GNPTAB: variants seen among roughly 807,000 people sequenced by gnomAD.
The protein encoded by GNPTAB is N-acetylglucosamine-1-phosphate transferase subunits alpha and beta.
GNPTAB carries 92 observed loss-of-function variants against 136.6 expected under a neutral mutation model. The observed-to-expected ratio is 0.67, with a 90% CI of 0.57 to 0.80. The LOEUF (loss-of-function observed/expected upper bound fraction) is 0.80, where lower values mean the gene tolerates loss of function less well. GNPTAB is among the 30% of genes least tolerant of loss of function. The pLI is 0.00. For missense variants in GNPTAB, 1,343 were observed against 1,501.8 expected, an observed-to-expected ratio of 0.89 and a Z score of 1.75; for synonymous variants, 512 against 535.1, an observed-to-expected ratio of 0.96 and a Z score of 0.60.
In GNPTAB at chr12:101,764,866, T is replaced by C; in HGVS notation, c.2051A>G (p.Asn684Ser). 1 of 1,614,146 alleles carries C rather than the reference T, an allele frequency of 6.2e-7. No individual in the cohort carries two copies. The highest frequency in any genetic ancestry group is 8.5e-7 in the Non-Finnish European group (1 of 1,180,028). ...RFPKFKRHDV[N>S]STRRAQEEVK... Reference sequence around the variant, plus strand: ...CTCTTCCTGGGCTCTCCTTGTTGAGTTAACATCATGTCTCTTAAACTTCGG... The same window carrying C: ...CTCTTCCTGGGCTCTCCTTGTTGAGCTAACATCATGTCTCTTAAACTTCGG... Residue 684 changes from asparagine to serine, a missense_variant, in exon 13 of 21, where the codon AAC becomes AGC. Asn to Ser is a conservative substitution (Grantham distance 46, BLOSUM62 1). Transcript: ENST00000299314.
intron 7 of GNPTAB, among the ~76,000 whole-genome samples, chr12:101,774,933 A>G (rs1219311488): frequency 6.6e-6 from 1 of 152,224 alleles, no homozygotes; most frequent in Non-Finnish European, 1.5e-5. Flanking sequence ...AAAAATCATG[A>G]TATCAAACTG....
At chr12:101,793,065 C>T (rs989163117) in intron 2 of GNPTAB, among the ~76,000 whole-genome samples, 1 of 152,156 alleles carries the variant, frequency 6.6e-6, no homozygotes, top group African/African-American at 2.4e-5. Context: ...AATGCCAATT[C>T]TATATAAGGC....
intron 7 of GNPTAB, among the ~76,000 whole-genome samples, chr12:101,772,020 T>C (rs895038352): frequency 3.9e-5 from 6 of 152,254 alleles, no homozygotes; most frequent in African/African-American, 1.4e-4. Context: ...CCTGAAGTGC[T>C]TCCATGGGAA....
intron 1 of GNPTAB, among the ~76,000 whole-genome samples, chr12:101,807,188 C>T (rs188135432): frequency 4.6e-5 from 7 of 152,198 alleles, no homozygotes; most frequent in Admixed American, 2.0e-4. Context: ...AATTGTATGA[C>T]GATACCAATA....
intron 13 of GNPTAB, 31 bp downstream of exon 13, chr12:101,764,165 CTGAGCA>C (rs770638052): frequency 1.2e-6 from 2 of 1,613,126 alleles, no homozygotes; most frequent in Admixed American, 3.3e-5. Flanking sequence ...TTTACTCTTC[CTGAGCA>C]TGAGAAAGAA....
Position 101,765,242 on chromosome 12 carries a change from T to C in GNPTAB, c.1675A>G (p.Lys559Glu). Residue 559 changes from lysine to glutamate, a missense_variant, in exon 13 of 21, where the codon AAA becomes GAA. Transcript: ENST00000299314. Reference sequence around the variant, plus strand: ...CTGAAATAAGGCAGGCATTCACCTTTTGGAATAATATAGTGAGTCTGGTTT... The same window carrying C: ...CTGAAATAAGGCAGGCATTCACCTTCTGGAATAATATAGTGAGTCTGGTTT... ...LPNQTHYIIP[K>E]GECLPYFSFA... 6.2e-7 allele frequency: 1 copy of C among 1,614,092 alleles called. No individual in the cohort carries two copies. Among genetic ancestry groups the C allele is most frequent in the Non-Finnish European group, 8.5e-7 (1 of 1,179,936 alleles).
At chr12:101,787,496 T>C (rs1343258753) in intron 4 of GNPTAB, among the ~76,000 whole-genome samples, 2 of 152,226 alleles carry the variant, frequency 1.3e-5, no homozygotes, top group Non-Finnish European at 2.9e-5. Flanking sequence ...CACTTTCCTC[T>C]CAATCTTTCT....
In GNPTAB at chr12:101,830,831, C is replaced by A. The variant is rs1323472373; in HGVS notation, c.-156G>T. 1.4e-5 allele frequency: 3 copies of A among 211,064 alleles called. No homozygotes were observed. The highest frequency in any genetic ancestry group is 1.2e-4 in the Admixed American group (2 of 16,202). 13.1% of individuals were successfully genotyped at this position (211,064 alleles called of 1,614,324 possible). ...CATTGCAGCTCCGGCGACGGACGCC[C>A]GCTCGGCTCCGCGCCGCGGCCGCCG... On this transcript the variant is annotated 5_prime_UTR_variant, in exon 1 of 21. Transcript: ENST00000299314.
intron 19 of GNPTAB, among the ~76,000 whole-genome samples, chr12:101,749,762 G>A (rs1258398999): frequency 2.0e-5 from 3 of 152,258 alleles, no homozygotes; most frequent in Admixed American, 6.5e-5. Context: ...AAGAGAAGGA[G>A]CAGTAGAGTG....
rs1253771905 is a variant in GNPTAB at position 101,776,744 on chromosome 12, C to T, written c.771+3408G>A. Among the ~76,000 whole-genome samples, 4 of 152,220 alleles carry T rather than the reference C, an allele frequency of 2.6e-5. No homozygotes were observed. In the East Asian group the frequency reaches 7.7e-4, roughly 29 times the overall value. ...TCATATGGCTCATTCCTTAAGCAGC[C>T]CCCTAAGTGCCAAGTAATCACTAAG... is the stretch of plus-strand genomic sequence containing the variant. On this transcript the variant is annotated intron_variant, in intron 7 of 20. Transcript: ENST00000299314.
chr12:101,761,478 T>C (rs1952993863), intron 14 of GNPTAB, 86 bp downstream of exon 14: 1 of 1,452,834 alleles, frequency 6.9e-7, no homozygotes, highest in South Asian at 1.1e-5. Flanking sequence ...ATATTAGAGC[T>C]ATAAATTTAG....
intron 1 of GNPTAB, among the ~76,000 whole-genome samples, chr12:101,797,563 G>A (rs926102738): frequency 1.3e-5 from 2 of 152,184 alleles, no homozygotes; most frequent in African/African-American, 4.8e-5. Context: ...GGCATAGGTT[G>A]CAGTGAGCCA....
intron 11 of GNPTAB, 51 bp from the exon 12 acceptor site, chr12:101,766,345 A>G (rs1566075455): frequency 6.6e-7 from 1 of 1,526,506 alleles, no homozygotes; most frequent in Non-Finnish European, 9.1e-7. Flanking sequence ...CAATTTTGAA[A>G]GACAGTTCTG....
At chr12:101,787,405 A>G (rs1868717034) in intron 4 of GNPTAB, among the ~76,000 whole-genome samples, 1 of 152,242 alleles carries the variant, frequency 6.6e-6, no homozygotes, top group African/African-American at 2.4e-5. Context: ...ATAAACTACA[A>G]CTATTCAAAT....
rs1380619883 is a variant in GNPTAB, at chr12:101,746,763, A to C, written c.*401T>G. ...GGAAATGAAAAAAAAAAAGTGCAAA[A>C]CTTTAGCAAAAGGCTTTGGAATGCA... On this transcript the variant is annotated 3_prime_UTR_variant, in exon 21 of 21. Transcript: ENST00000299314. 1 of 165,628 alleles carries C rather than the reference A, an allele frequency of 6.0e-6. No individual in the cohort carries two copies. The highest frequency in any genetic ancestry group is 1.7e-4 in the East Asian group (1 of 5,900). The allele number at this position is 165,628 out of a possible 1,614,324, so 10.3% of individuals were successfully genotyped here. A position where few individuals can be genotyped will look rare whatever the true frequency, so the allele number is the denominator to read the frequency against.
chr12:101,763,594 T>C (rs932035792), intron 13 of GNPTAB, among the ~76,000 whole-genome samples: 1 of 152,146 alleles, frequency 6.6e-6, no homozygotes, highest in African/African-American at 2.4e-5. Context: ...CACAGACACA[T>C]CTCTTTGCTA....
At chr12:101,827,699 T>C (rs1871160936) in intron 1 of GNPTAB, among the ~76,000 whole-genome samples, 2 of 152,220 alleles carry the variant, frequency 1.3e-5, no homozygotes, top group Non-Finnish European at 2.9e-5. Context: ...GCACAGTGGC[T>C]CGCACCTATA....
intron 1 of GNPTAB, among the ~76,000 whole-genome samples, chr12:101,805,491 C>T (rs1021640387): frequency 6.6e-5 from 10 of 152,148 alleles, no homozygotes; most frequent in African/African-American, 2.4e-4. Context: ...GAGCCTAGGG[C>T]TCAGGCAATC....
intron 19 of GNPTAB, 25 bp downstream of exon 19, chr12:101,753,347 G>A: frequency 1.3e-6 from 2 of 1,573,186 alleles, no homozygotes; most frequent in African/African-American, 2.7e-5. Context: ...CCACACACAT[G>A]CATATATAAA....
Sources: allele counts gnomAD v4.1 joint callset (sites outside exome capture counted in the v4.1 genomes callset), GRCh38; gene constraint gnomAD v4.1.1; transcripts MANE v1.5; gene names NCBI Gene and HGNC (gene_info 2026-07-23, HGNC 2026-07-21).